Variants in ZNF365 observed in about 807,000 individuals in gnomAD.
ZNF365 encodes the protein zinc finger protein 365.
A neutral mutation model predicts 35.0 loss-of-function variants in ZNF365; 22 were observed. That is an observed-to-expected ratio of 0.63 (90% CI 0.45 to 0.90). The LOEUF (loss-of-function observed/expected upper bound fraction) is 0.90, where lower values mean the gene tolerates loss of function less well. Ranked by LOEUF, ZNF365 falls within the 40% of genes least tolerant of loss-of-function variation. The pLI, the probability that ZNF365 is intolerant of heterozygous loss-of-function variation, is 0.00. For synonymous variants in ZNF365, 188 were observed against 196.2 expected (o/e 0.96, Z 0.35); for missense variants, 448 against 500.3 (o/e 0.90, Z 1.00).
At chr10:62,390,106 G>T (rs1173667850) in intron 3 of ZNF365, among the ~76,000 whole-genome samples, 1 of 152,056 alleles carries the variant, frequency 6.6e-6, no homozygotes, top group African/African-American at 2.4e-5. Context: ...GAGGTGAAAA[G>T]GCCTGAAAAT....
intron 3 of ZNF365, among the ~76,000 whole-genome samples, chr10:62,424,152 TATTA>T (rs1410071556): frequency 6.6e-6 from 1 of 152,208 alleles, no homozygotes; most frequent in Non-Finnish European, 1.5e-5. Context: ...CTGAGAACTC[TATTA>T]ATTTGAGAAG....
chr10:62,385,010 A>G (rs1165330456), intron 2 of ZNF365, among the ~76,000 whole-genome samples: 1 of 152,228 alleles, frequency 6.6e-6, no homozygotes, highest in African/African-American at 2.4e-5. Context: ...ATGTACACAC[A>G]TGATATTCCA....
At chr10:62,449,401 C>T (rs1456277361) in intron 3 of ZNF365, among the ~76,000 whole-genome samples, 1 of 152,128 alleles carries the variant, frequency 6.6e-6, no homozygotes, top group East Asian at 1.9e-4. Flanking sequence ...ATGGTGATTA[C>T]AAGAGTGTTC....
intron 3 of ZNF365, among the ~76,000 whole-genome samples, chr10:62,390,504 A>G (rs547688580): frequency 2.0e-5 from 3 of 152,274 alleles, no homozygotes; most frequent in African/African-American, 7.2e-5. Flanking sequence ...AAAGTTGAAC[A>G]TTTTTTAAAG....
chr10:62,471,979 C>T (rs188602757), intron 4 of ZNF365, among the ~76,000 whole-genome samples: 9 of 152,284 alleles, frequency 5.9e-5, no homozygotes, highest in Admixed American at 5.9e-4. Context: ...ATGGAAATTG[C>T]CTGTAAGTGT....
intron 3 of ZNF365, among the ~76,000 whole-genome samples, chr10:62,458,828 C>G (rs1199177179): frequency 6.6e-6 from 1 of 152,176 alleles, no homozygotes; most frequent in African/African-American, 2.4e-5. Flanking sequence ...TATGTTGATT[C>G]TAACCTCTGG....
At chr10:62,377,034 G>T in intron 2 of ZNF365, 98 bp downstream of exon 2, 1 of 1,460,612 alleles carries the variant, frequency 6.8e-7, no homozygotes, top group Non-Finnish European at 9.1e-7. Context: ...TTTGCTATTT[G>T]CAGGTGCCTT....
At chr10:62,407,130 C>G (rs1041366836), downstream of ZNF365, among the ~76,000 whole-genome samples, 7 of 152,194 alleles carry the variant, frequency 4.6e-5, no homozygotes, top group African/African-American at 1.4e-4. Flanking sequence ...CTTATTGAAG[C>G]CATTCCTACA....
intron 4 of ZNF365, among the ~76,000 whole-genome samples, chr10:62,466,393 G>A (rs537590428): frequency 3.9e-5 from 6 of 152,276 alleles, no homozygotes; most frequent in African/African-American, 9.6e-5. Context: ...GCACAGCAGC[G>A]AGACCCTGCC....
At chr10:62,396,741 C>G (rs1333388733) in intron 3 of ZNF365, among the ~76,000 whole-genome samples, 1 of 152,190 alleles carries the variant, frequency 6.6e-6, no homozygotes, top group Non-Finnish European at 1.5e-5. Flanking sequence ...GAAACATACA[C>G]ACACATGTAT....
At chr10:62,439,998 G>A (rs184240518) in intron 3 of ZNF365, among the ~76,000 whole-genome samples, 43 of 152,110 alleles carry the variant, frequency 2.8e-4, no homozygotes, top group African/African-American at 8.4e-4. Flanking sequence ...ACTTTCTCCC[G>A]CACAAAATGG....
At chr10:62,374,634 T>C (rs1002327125) in intron 1 of ZNF365, among the ~76,000 whole-genome samples, 176 bp downstream of exon 1, 4 of 152,054 alleles carry the variant, frequency 2.6e-5, no homozygotes, top group Non-Finnish European at 5.9e-5. Context: ...CTGGCACCCG[T>C]GGGCTGGCAC....
At chr10:62,461,986 T>C (rs931558769) in intron 4 of ZNF365, among the ~76,000 whole-genome samples, 25 of 152,182 alleles carry the variant, frequency 1.6e-4, no homozygotes, top group Admixed American at 1.6e-3. Context: ...CCTTTTTTTT[T>C]ACTACTAGTG....
intron 3 of ZNF365, among the ~76,000 whole-genome samples, chr10:62,412,334 T>C (rs922765373): frequency 2.0e-5 from 3 of 152,126 alleles, no homozygotes; most frequent in African/African-American, 7.2e-5. Flanking sequence ...AATATCATAC[T>C]GAATGGGCAA....
At chr10:62,443,931 C>G (rs78208144) in intron 3 of ZNF365, among the ~76,000 whole-genome samples, 1 of 152,266 alleles carries the variant, frequency 6.6e-6, no homozygotes, top group Admixed American at 6.5e-5. Context: ...GAACTTTTGC[C>G]CCCATGGAGT....
rs765237370 is a variant in ZNF365 at position 62,388,592 on chromosome 10, C to T, written c.924+16C>T. ...CGGGCACGTGGTGAGTCACCCCGGG[C>T]CAGCCACCGAGTGTAAGATCCCTGT... On this transcript the variant is annotated intron_variant, in intron 3 of 4. Transcript: ENST00000395254. The T allele has an allele frequency of 6.2e-7, 1 of 1,612,494 alleles. No homozygotes were observed. The highest frequency in any genetic ancestry group is 1.1e-5 in the South Asian group (1 of 91,020).
intron 4 of ZNF365, among the ~76,000 whole-genome samples, chr10:62,463,504 G>A (rs16917266): frequency 0.089 from 13,522 of 152,196 alleles, 1,946 homozygotes; most frequent in African/African-American, 0.3. Context: ...AAAAAGAGCC[G>A]GGACAAATAT....
chr10:62,436,484 G>A (rs1034247662), intron 3 of ZNF365, among the ~76,000 whole-genome samples: 2 of 152,136 alleles, frequency 1.3e-5, no homozygotes, highest in Non-Finnish European at 2.9e-5. Context: ...ATCCAGATTT[G>A]TAATAACACA....
At position 62,478,204 on chromosome 10, in the gene ZNF365, C is replaced by T. The variant is rs114785628; in HGVS notation, c.982-1672C>T. On this transcript the variant is annotated intron_variant, in intron 4 of 4. Coordinates refer to the ZNF365 transcript ENST00000395255. ...AAAAGGAGAAGCCATCTGCCTCTCA[C>T]ATACCCAATATACAGTGATGGCACA... is the stretch of plus-strand genomic sequence containing the variant. Among the ~76,000 whole-genome samples the T allele has an allele frequency of 7.5e-3, 1,149 of 152,296 alleles. 18 individuals are homozygous for T. The highest frequency in any genetic ancestry group is 0.027 in the African/African-American group (1,105 of 41,564).
Sources: gnomAD v4.1 joint callset for allele counts (sites outside exome capture counted in the v4.1 genomes callset) on GRCh38, gnomAD v4.1.1 for gene constraint, MANE v1.5 for transcripts, NCBI Gene and HGNC (gene_info 2026-07-23, HGNC 2026-07-21) for gene names.